The following PKIA variants were observed in gnomAD, a reference collection of about 807,000 sequenced individuals.
The protein encoded by PKIA is cAMP-dependent protein kinase inhibitor alpha, also known as PKI-alpha.
In PKIA, 4 loss-of-function variants were observed where a neutral mutation model predicts 7.6. The observed-to-expected ratio is 0.52, with a 90% CI of 0.26 to 1.20. The LOEUF is 1.20. Ranked by LOEUF, PKIA falls within the 50% of genes most tolerant of loss-of-function variation. The pLI is 0.13. For synonymous variants in PKIA, 21 were observed against 30.7 expected (o/e 0.68, Z 1.04); for missense variants, 73 against 86.2 (o/e 0.85, Z 0.61).
At position 78,601,181 on chromosome 8, in the gene PKIA, G is replaced by A. The variant is rs193151165; in HGVS notation, c.152-561G>A. On this transcript the variant is annotated intron_variant, in intron 3 of 3. Coordinates refer to ENST00000396418, the MANE Select transcript of PKIA (RefSeq NM_006823.4). ...CTCTAAGGGCAGACCAGAGGCCATT[G>A]TAACTATTTGACAAGGGACTGGCCA... Among the ~76,000 whole-genome samples, 41 of 152,208 alleles carry A rather than the reference G, an allele frequency of 2.7e-4. No homozygotes were observed. The East Asian group carries it at 7.3e-3, about 27-fold the overall frequency.
intron 1 of PKIA, among the ~76,000 whole-genome samples, chr8:78,571,810 T>C (rs945276547): frequency 2.0e-5 from 3 of 152,090 alleles, no homozygotes; most frequent in Admixed American, 1.3e-4. Flanking sequence ...AGTCTCCTAA[T>C]AGGCCAATGT....
chr8:78,522,221 T>G (rs1256260682), intron 1 of PKIA, among the ~76,000 whole-genome samples: 1 of 151,966 alleles, frequency 6.6e-6, no homozygotes, highest in Non-Finnish European at 1.5e-5. Context: ...TAATATACAC[T>G]ATGAAGGTGC....
chr8:78,534,869 GAAGT>G (rs1806481203), intron 1 of PKIA: 1 of 152,118 alleles, frequency 6.6e-6, no homozygotes, highest in Non-Finnish European at 1.5e-5. Flanking sequence ...CGTAATAATA[GAAGT>G]TAGTGAGCAG....
At chr8:78,598,774 G>A (rs1336131357) in intron 3 of PKIA, among the ~76,000 whole-genome samples, 1 of 151,938 alleles carries the variant, frequency 6.6e-6, no homozygotes, top group African/African-American at 2.4e-5. Context: ...TTTTATTAAT[G>A]CAATCAATAA....
At chr8:78,527,335 C>T (rs540374464) in intron 1 of PKIA, among the ~76,000 whole-genome samples, 1 of 152,080 alleles carries the variant, frequency 6.6e-6, no homozygotes, top group East Asian at 1.9e-4. Flanking sequence ...CAAGTATACA[C>T]ATATATTACA....
At chr8:78,542,679 AT>A (rs533743029) in intron 1 of PKIA, among the ~76,000 whole-genome samples, 3 of 151,904 alleles carry the variant, frequency 2.0e-5, no homozygotes, top group African/African-American at 7.3e-5. Flanking sequence ...AATAGTGACA[AT>A]TTTTTTTAAT....
intron 1 of PKIA, among the ~76,000 whole-genome samples, chr8:78,548,555 C>T (rs1806893103): frequency 6.6e-6 from 1 of 152,042 alleles, no homozygotes; most frequent in African/African-American, 2.4e-5. Flanking sequence ...ATCCACCTCA[C>T]GTAGATCTAA....
chr8:78,517,839 G>A (rs902865312), intron 1 of PKIA, among the ~76,000 whole-genome samples: 1 of 152,168 alleles, frequency 6.6e-6, no homozygotes, highest in Non-Finnish European at 1.5e-5. Flanking sequence ...GTTGCAATAA[G>A]CCAGATTGTG....
chr8:78,601,260 A>G (rs984536920), intron 3 of PKIA, among the ~76,000 whole-genome samples: 5 of 152,110 alleles, frequency 3.3e-5, no homozygotes, highest in Non-Finnish European at 7.4e-5. Context: ...GAACTAATAG[A>G]ACCTCTGAGA....
intron 1 of PKIA, among the ~76,000 whole-genome samples, chr8:78,572,572 C>CACAA (rs1272304162): frequency 6.6e-6 from 1 of 150,840 alleles, no homozygotes; most frequent in Non-Finnish European, 1.5e-5. Context: ...CACACACACA[C>CACAA]AATTAATTAA....
rs764919426 is a variant in PKIA at position 78,598,555 on chromosome 8, T to C, written c.151+20T>C. 1.9e-6 allele frequency: 3 copies of C among 1,592,142 alleles called. No homozygotes were observed. The highest frequency in any genetic ancestry group is 2.3e-5 in the East Asian group (1 of 44,388). ...AGACAGGTAAGTCATCTGGCACACA[T>C]TTCTCTATGAGCATGGAATGATTTG... On this transcript the variant is annotated intron_variant, in intron 3 of 3. Coordinates refer to ENST00000396418, the MANE Select transcript of PKIA (RefSeq NM_006823.4).
intron 2 of PKIA, among the ~76,000 whole-genome samples, chr8:78,587,976 T>G (rs1807993976): frequency 6.6e-6 from 1 of 152,156 alleles, no homozygotes. Context: ...ACAATCTACA[T>G]AATACATTTT....
chr8:78,531,297 T>C (rs1018109490), intron 1 of PKIA, among the ~76,000 whole-genome samples: 1 of 152,130 alleles, frequency 6.6e-6, no homozygotes, highest in Non-Finnish European at 1.5e-5. Flanking sequence ...TTGAGACTGT[T>C]TATTGACAAC....
chr8:78,578,313 C>A (rs1807724677), intron 2 of PKIA, among the ~76,000 whole-genome samples: 1 of 151,964 alleles, frequency 6.6e-6, no homozygotes, highest in Non-Finnish European at 1.5e-5. Context: ...ATTATGAAGA[C>A]TCAAATATTT....
chr8:78,590,376 T>C (rs1808065674), intron 2 of PKIA, among the ~76,000 whole-genome samples: 1 of 151,804 alleles, frequency 6.6e-6, no homozygotes, highest in South Asian at 2.1e-4. Flanking sequence ...AGGCAGAGTA[T>C]GGAAAGCATA....
chr8:78,547,533 G>A (rs570690603), intron 1 of PKIA, among the ~76,000 whole-genome samples: 1 of 152,170 alleles, frequency 6.6e-6, no homozygotes, highest in East Asian at 1.9e-4. Flanking sequence ...TACAAATGAG[G>A]AAAATATAAA....
intron 2 of PKIA, among the ~76,000 whole-genome samples, chr8:78,590,683 A>C (rs908785590): frequency 6.6e-6 from 1 of 151,766 alleles, no homozygotes; most frequent in Non-Finnish European, 1.5e-5. Flanking sequence ...TTTTATTTTC[A>C]TTAAAATATT....
intron 1 of PKIA, among the ~76,000 whole-genome samples, chr8:78,567,751 C>T (rs529512947): frequency 1.1e-3 from 169 of 152,284 alleles, no homozygotes; most frequent in African/African-American, 3.9e-3. Flanking sequence ...ACTTATCTAT[C>T]CCCCAGCCAT....
At chr8:78,566,896 CA>C (rs1356729562) in intron 1 of PKIA, among the ~76,000 whole-genome samples, 2 of 152,086 alleles carry the variant, frequency 1.3e-5, no homozygotes, top group Non-Finnish European at 1.5e-5. Flanking sequence ...TTGATTTATT[CA>C]GTGAGTTCTT....
Sources: allele counts gnomAD v4.1 joint callset (sites outside exome capture counted in the v4.1 genomes callset), GRCh38; gene constraint gnomAD v4.1.1; transcripts MANE v1.5; gene names NCBI Gene and HGNC (gene_info 2026-07-23, HGNC 2026-07-21).